ESCO2: variants seen among roughly 807,000 people sequenced by gnomAD.
ESCO2 encodes the protein establishment of sister chromatid cohesion N-acetyltransferase 2.
A neutral mutation model predicts 61.7 loss-of-function variants in ESCO2; 51 were observed. That is an observed-to-expected ratio of 0.83 (90% CI 0.66 to 1.04). The LOEUF is 1.04. Ranked by LOEUF, ESCO2 falls within the 50% of genes least tolerant of loss-of-function variation. ESCO2 has a pLI of 0.00. For synonymous variants in ESCO2, 230 were observed against 238.2 expected (o/e 0.97, Z 0.32); for missense variants, 692 against 686.2 (o/e 1.01, Z -0.09).
At chr8:27,775,748 A>G (rs936616725) in intron 2 of ESCO2, among the ~76,000 whole-genome samples, 181 bp downstream of exon 2, 6 of 152,236 alleles carry the variant, frequency 3.9e-5, no homozygotes, top group African/African-American at 1.2e-4. Context: ...ATAATGAATT[A>G]TTTAGTCCTT....
chr8:27,772,662 CGTCGGGGCGCGTCATAACG>C, upstream of ESCO2: 1 of 900,980 alleles, frequency 1.1e-6, no homozygotes, highest in Non-Finnish European at 1.7e-6. Context: ...TTCCGGCGGA[CGTCGGGGCGCGTCATAACG>C]CCGGCCGTGG....
At chr8:27,808,132 A>T, downstream of ESCO2, 1 of 647,652 alleles carries the variant, frequency 1.5e-6, no homozygotes. Flanking sequence ...TTTTATATAT[A>T]GTTTTTATAT....
Position 27,804,882 on chromosome 8 carries a change from T to A in ESCO2, c.*1444T>A. On this transcript the variant is annotated 3_prime_UTR_variant, in exon 11 of 11. Transcript: ENST00000305188. ...CTTAATGCTTTTGTTATGAATCAAT[T>A]AAAATTCTTTATTTTATACAACTAA... 1 of 501,858 alleles carries A rather than the reference T, an allele frequency of 2.0e-6. No homozygotes were observed. Among genetic ancestry groups the A allele is most frequent in the Non-Finnish European group, 2.6e-6 (1 of 388,018 alleles). 31.1% of individuals were successfully genotyped at this position (501,858 alleles called of 1,614,324 possible).
chr8:27,777,727 G>A (rs1804830171), intron 3 of ESCO2: 3 of 152,394 alleles, frequency 2.0e-5, no homozygotes, highest in Admixed American at 2.0e-4. Flanking sequence ...TGAGTTTTGT[G>A]GGGCAGCTAG....
At chr8:27,816,364 T>C (rs1359096379), downstream of ESCO2, among the ~76,000 whole-genome samples, 1 of 131,772 alleles carries the variant, frequency 7.6e-6, no homozygotes, top group South Asian at 2.5e-4. Context: ...TATATTTATT[T>C]ATTTATTTAT....
In ESCO2 at chr8:27,792,800, C is replaced by G; in HGVS notation, c.1486C>G (p.Pro496Ala). The G allele has an allele frequency of 6.2e-7, 1 of 1,602,268 alleles. No individual in the cohort carries two copies. Among genetic ancestry groups the G allele is most frequent in the Non-Finnish European group, 8.5e-7 (1 of 1,176,108 alleles). ...KRVVGCLIAE[P>A]IKQAFRVLSE... ...AGTAGTTGGGTGTTTAATTGCAGAA[C>G]CCATCAAACAGGTATGGTATATTTG... Residue 496 changes from proline (P) to alanine (A), a missense_variant, in exon 9 of 11, where the codon CCC (proline) becomes GCC (alanine). Transcript: ENST00000305188.
At chr8:27,775,334 A>G (rs953866577) in intron 1 of ESCO2, among the ~76,000 whole-genome samples, 165 bp from the exon 2 acceptor site, 3 of 152,190 alleles carry the variant, frequency 2.0e-5, no homozygotes, top group Non-Finnish European at 4.4e-5. Context: ...GAAGCAGAAC[A>G]AGCGCGTGTA....
At chr8:27,817,820 A>AT in the ESCO2 span, among the ~76,000 whole-genome samples, 7 of 152,154 alleles carry the variant, frequency 4.6e-5, no homozygotes, top group African/African-American at 7.2e-5. Flanking sequence ...GAGCTTGAGC[A>AT]TTTAACTATC....
downstream of ESCO2, among the ~76,000 whole-genome samples, chr8:27,817,633 T>TA (rs573753397): frequency 2.2e-3 from 328 of 151,992 alleles, 1 homozygote; most frequent in African/African-American, 6.8e-3. Context: ...CAGGTTATTA[T>TA]AAAAAAAATG....
downstream of ESCO2, chr8:27,810,296 A>G: frequency 6.3e-7 from 1 of 1,588,990 alleles, no homozygotes; most frequent in East Asian, 2.2e-5. Flanking sequence ...ACTTCAGCTG[A>G]GATGATCACT....
intron 5 of ESCO2, among the ~76,000 whole-genome samples, chr8:27,784,808 T>G (rs1296167488): frequency 6.6e-6 from 1 of 152,148 alleles, no homozygotes; most frequent in Admixed American, 6.6e-5. Context: ...TATAAATAAC[T>G]CCAGATATTA....
At position 27,784,116 on chromosome 8, in the gene ESCO2, C is replaced by G. The variant is rs2128953472; in HGVS notation, c.1013+59C>G. ...TGTAAATTATACAGTTCCTCTGGGT[C>G]TCTTTTTCAGTCTCATGCTACTTAA... On this transcript the variant is annotated intron_variant, in intron 5 of 10. Transcript: ENST00000305188. The G allele has an allele frequency of 2.6e-6, 4 of 1,533,798 alleles. No individual in the cohort carries two copies. The African/African-American group carries it at 5.5e-5, about 21-fold the overall frequency.
Position 27,805,108 on chromosome 8 carries a change from C to A in ESCO2, c.*1670C>A, listed in dbSNP as rs1805533216. The A allele has an allele frequency of 8.2e-6, 1 of 121,294 alleles. No individual in the cohort carries two copies. The highest frequency in any genetic ancestry group is 3.6e-5 in the African/African-American group (1 of 28,114). 7.5% of individuals were successfully genotyped at this position (121,294 alleles called of 1,614,324 possible). A position where few individuals can be genotyped will look rare whatever the true frequency, so the allele number is the denominator to read the frequency against. On this transcript the variant is annotated 3_prime_UTR_variant, in exon 11 of 11. Coordinates refer to ENST00000305188, the MANE Select transcript of ESCO2 (RefSeq NM_001017420.3). ...CCATCCTGGCTAACAAGGTGAAACC[C>A]CGTCTCTACTAAAAATACAAAAAAT...
chr8:27,813,034 G>A (rs532655292), downstream of ESCO2, among the ~76,000 whole-genome samples: 1 of 152,186 alleles, frequency 6.6e-6, no homozygotes, highest in Non-Finnish European at 1.5e-5. Context: ...TATGTTTATT[G>A]TGGCACTATT....
At position 27,803,675 on chromosome 8, in the gene ESCO2, AT is replaced by A. The variant is rs1234460660; in HGVS notation, c.*239del. ...GGAAAAATCTTTGGGTGATTCCCTGATTAGCACTCTGAATGTTTAATTATGA... is the reference window on the plus strand; with the variant it reads ...GGAAAAATCTTTGGGTGATTCCCTGATAGCACTCTGAATGTTTAATTATGA... On this transcript the variant is annotated 3_prime_UTR_variant, in exon 11 of 11. Coordinates refer to ENST00000305188, the MANE Select transcript of ESCO2 (RefSeq NM_001017420.3). 30 of 1,309,028 alleles carry A rather than the reference AT, an allele frequency of 2.3e-5. No homozygotes were observed. The highest frequency in any genetic ancestry group is 2.8e-5 in the Non-Finnish European group (29 of 1,031,406). 81.1% of individuals were successfully genotyped at this position (1,309,028 alleles called of 1,614,324 possible).
chr8:27,795,848 C>A (rs1805284230), intron 9 of ESCO2, among the ~76,000 whole-genome samples: 1 of 152,162 alleles, frequency 6.6e-6, no homozygotes, highest in African/African-American at 2.4e-5. Flanking sequence ...TCCACTGGAT[C>A]ATGGTGTACT....
chr8:27,783,653 T>G (rs887981189), intron 4 of ESCO2, among the ~76,000 whole-genome samples: 1 of 152,220 alleles, frequency 6.6e-6, no homozygotes, highest in African/African-American at 2.4e-5. Context: ...TTGCCCAGAC[T>G]GGTCTTGAAC....
intron 5 of ESCO2, 117 bp downstream of exon 5, chr8:27,784,174 GGAATAGGAGAATAATATTGA>G (rs1167721250): frequency 2.4e-6 from 2 of 831,108 alleles, no homozygotes; most frequent in Non-Finnish European, 3.9e-6. Context: ...CTCACTAAGG[GGAATAGGAGAATAATATTGA>G]GAATAGGGTG....
Position 27,787,867 on chromosome 8 carries a change from T to C in ESCO2, c.1014-18T>C, listed in dbSNP as rs1054275691. The C allele has an allele frequency of 2.5e-6, 4 of 1,573,840 alleles. No homozygotes were observed. Among genetic ancestry groups the C allele is most frequent in the Non-Finnish European group, 3.5e-6 (4 of 1,144,232 alleles). ...CTCCAAAATTGTAAATTTATATATA[T>C]CAACTTTCTGTGTCAAGATCTTTAG... On this transcript the variant is annotated intron_variant, in intron 5 of 10. Coordinates refer to ENST00000305188, the MANE Select transcript of ESCO2 (RefSeq NM_001017420.3).
Sources: allele counts gnomAD v4.1 joint callset (sites outside exome capture counted in the v4.1 genomes callset), GRCh38; gene constraint gnomAD v4.1.1; transcripts MANE v1.5; gene names NCBI Gene and HGNC (gene_info 2026-07-23, HGNC 2026-07-21).